The following LRRC37A2 variants were observed in gnomAD, a reference collection of about 807,000 sequenced individuals.
The protein encoded by LRRC37A2 is leucine rich repeat containing 37 member A2, also known as leucine-rich repeat-containing protein 37A2.
A neutral mutation model predicts 68.8 loss-of-function variants in LRRC37A2; 9 were observed. The observed-to-expected ratio is 0.13, with a 90% CI of 0.08 to 0.23. The LOEUF (loss-of-function observed/expected upper bound fraction) is 0.23, where lower values mean the gene tolerates loss of function less well. Ranked by LOEUF, LRRC37A2 falls within the 10% of genes least tolerant of loss-of-function variation. The pLI, the probability that LRRC37A2 is intolerant of heterozygous loss-of-function variation, is 1.00. For synonymous variants in LRRC37A2, 63 were observed against 367.6 expected, an observed-to-expected ratio of 0.17 and a Z score of 9.48; for missense variants, 168 against 950.4, an observed-to-expected ratio of 0.18 and a Z score of 10.82.
chr17:46,720,657 A>G, the LRRC37A2 span, among the ~76,000 whole-genome samples: 11 of 152,230 alleles, frequency 7.2e-5, no homozygotes, highest in Admixed American at 7.2e-4. Context: ...TGATTAGAGT[A>G]TGCTTTTAAC....
At chr17:46,979,344 T>G in the LRRC37A2 span, 1 of 184,668 alleles carries the variant, frequency 5.4e-6, no homozygotes, top group Non-Finnish European at 1.2e-5. Flanking sequence ...CCGCGGCATC[T>G]CCGAGGGGCG....
the LRRC37A2 span, among the ~76,000 whole-genome samples, chr17:46,861,052 TG>T: frequency 6.6e-6 from 1 of 152,056 alleles, no homozygotes; most frequent in East Asian, 1.9e-4. Flanking sequence ...GTGTGCGTGT[TG>T]GGGGGAAACT....
the LRRC37A2 span, among the ~76,000 whole-genome samples, chr17:46,662,742 CT>C: frequency 7.4e-6 from 1 of 136,032 alleles, no homozygotes; most frequent in African/African-American, 2.7e-5. Context: ...CTTTTTAGCC[CT>C]TTACCATCCT....
At chr17:46,613,214 G>T in the LRRC37A2 span, among the ~76,000 whole-genome samples, 2 of 25,158 alleles carry the variant, frequency 7.9e-5, no homozygotes, top group African/African-American at 2.4e-4. Context: ...TGAATTTGAG[G>T]TTACAGTGAG....
At chr17:46,751,358 G>C in the LRRC37A2 span, 3 of 648,240 alleles carry the variant, frequency 4.6e-6, no homozygotes, top group African/African-American at 5.4e-5. Flanking sequence ...GTGAAGGTCA[G>C]ACTGGATTTT....
At chr17:46,742,730 C>A in the LRRC37A2 span, among the ~76,000 whole-genome samples, 1 of 152,072 alleles carries the variant, frequency 6.6e-6, no homozygotes, top group Non-Finnish European at 1.5e-5. Flanking sequence ...GTGTGCCAGG[C>A]ATGCCATGCT....
chr17:46,963,180 T>C, the LRRC37A2 span, among the ~76,000 whole-genome samples: 1 of 152,248 alleles, frequency 6.6e-6, no homozygotes, highest in East Asian at 1.9e-4. Flanking sequence ...CTTTAAGCTT[T>C]CTATTCCTTG....
chr17:46,937,383 T>C, the LRRC37A2 span: 1 of 152,182 alleles, frequency 6.6e-6, no homozygotes, highest in Non-Finnish European at 1.5e-5. Context: ...CGAGGACAAG[T>C]TTTTTGATGT....
chr17:46,727,487 T>C, the LRRC37A2 span, among the ~76,000 whole-genome samples: 5,786 of 152,256 alleles, frequency 0.038, 385 homozygotes, highest in African/African-American at 0.13. Context: ...CATAATGGTG[T>C]AGTCGTGATT....
the LRRC37A2 span, among the ~76,000 whole-genome samples, chr17:46,916,133 CAT>C: frequency 1.3e-5 from 2 of 152,256 alleles, no homozygotes; most frequent in Non-Finnish European, 2.9e-5. Context: ...CTTTGCAACA[CAT>C]GTCAGGCAAT....
chr17:47,016,001 A>G, the LRRC37A2 span, among the ~76,000 whole-genome samples: 1 of 151,964 alleles, frequency 6.6e-6, no homozygotes, highest in Non-Finnish European at 1.5e-5. Context: ...CTGAAGTGCA[A>G]TGTTGCGATC....
the LRRC37A2 span, among the ~76,000 whole-genome samples, chr17:46,854,412 G>C: frequency 2.6e-5 from 4 of 151,964 alleles, no homozygotes; most frequent in East Asian, 7.7e-4. Flanking sequence ...AGGTGAGGCC[G>C]ATCTTCTTGG....
the LRRC37A2 span, among the ~76,000 whole-genome samples, chr17:46,472,959 A>G: frequency 1.5e-5 from 1 of 66,458 alleles, no homozygotes; most frequent in Non-Finnish European, 3.9e-5. Flanking sequence ...AGGGATGGGA[A>G]AGGGTTTAAA....
At chr17:47,008,056 A>G in the LRRC37A2 span, among the ~76,000 whole-genome samples, 3 of 152,212 alleles carry the variant, frequency 2.0e-5, no homozygotes, top group African/African-American at 7.2e-5. Context: ...TTAAGTTTTC[A>G]AAAATCAAAA....
the LRRC37A2 span, chr17:46,930,934 C>T: frequency 1.6e-6 from 1 of 628,736 alleles, no homozygotes; most frequent in Non-Finnish European, 2.9e-6. Context: ...ACATTTACGG[C>T]CTAACTTGAA....
At chr17:46,784,688 G>A in the LRRC37A2 span, among the ~76,000 whole-genome samples, 206 of 152,134 alleles carry the variant, frequency 1.4e-3, no homozygotes, top group African/African-American at 4.9e-3. Flanking sequence ...TATTCCGGAC[G>A]AGGTCCCCAC....
At chr17:46,657,975 T>TTC in the LRRC37A2 span, among the ~76,000 whole-genome samples, 1 of 65,440 alleles carries the variant, frequency 1.5e-5, no homozygotes, top group Non-Finnish European at 3.0e-5. Context: ...TATTTATTTT[T>TTC]TTTTTTTTTG....
chr17:46,856,930 C>T, the LRRC37A2 span, among the ~76,000 whole-genome samples: 1 of 152,168 alleles, frequency 6.6e-6, no homozygotes, highest in Non-Finnish European at 1.5e-5. Flanking sequence ...CCTCTCCCAC[C>T]AGCCCATGGC....
chr17:46,882,634 A>G, the LRRC37A2 span, among the ~76,000 whole-genome samples: 1 of 152,084 alleles, frequency 6.6e-6, no homozygotes, highest in Non-Finnish European at 1.5e-5. Flanking sequence ...GGCGGGAAGC[A>G]TCCTATGCCT....
Sources: allele counts gnomAD v4.1 joint callset (sites outside exome capture counted in the v4.1 genomes callset), GRCh38; gene constraint gnomAD v4.1.1; transcripts MANE v1.5; gene names NCBI Gene and HGNC (gene_info 2026-07-23, HGNC 2026-07-21).